The following CATSPERB variants were observed in gnomAD, a reference collection of about 807,000 sequenced individuals.
CATSPERB encodes catsper channel auxiliary subunit beta.
CATSPERB carries 93 observed loss-of-function variants against 128.3 expected under a neutral mutation model. The observed-to-expected ratio is 0.72, with a 90% CI of 0.61 to 0.86. The LOEUF is 0.86. CATSPERB is among the 40% of genes least tolerant of loss of function. The pLI is 0.00. For missense variants in CATSPERB, 1,153 were observed against 1,329.5 expected, an observed-to-expected ratio of 0.87 and a Z score of 2.06; for synonymous variants, 381 against 448.8, an observed-to-expected ratio of 0.85 and a Z score of 1.91.
chr14:91,599,958 T>C (rs542976632), intron 22 of CATSPERB, among the ~76,000 whole-genome samples: 57 of 152,354 alleles, frequency 3.7e-4, no homozygotes, highest in African/African-American at 1.3e-3. Flanking sequence ...CTTAGTGATA[T>C]TGGGGGCCCA....
At chr14:91,659,598 A>G (rs1052284949) in intron 15 of CATSPERB, among the ~76,000 whole-genome samples, 8 of 152,206 alleles carry the variant, frequency 5.3e-5, no homozygotes, top group Non-Finnish European at 1.2e-4. Flanking sequence ...AGCTGTTATT[A>G]TTTGGCTTTT....
chr14:91,668,767 T>C (rs201015433), intron 14 of CATSPERB, among the ~76,000 whole-genome samples: 18 of 151,172 alleles, frequency 1.2e-4, no homozygotes, highest in Admixed American at 1.2e-3. Context: ...TAACACTCAC[T>C]GCGAAGGTCT....
At chr14:91,601,480 A>G (rs1484746861) in intron 22 of CATSPERB, among the ~76,000 whole-genome samples, 1 of 152,178 alleles carries the variant, frequency 6.6e-6, no homozygotes, top group African/African-American at 2.4e-5. Flanking sequence ...ATGAATATAT[A>G]TGGTAAATTT....
At chr14:91,658,630 C>A (rs118143481) in intron 15 of CATSPERB, among the ~76,000 whole-genome samples, 4,125 of 146,126 alleles carry the variant, frequency 0.028, 91 homozygotes, top group Middle Eastern at 0.06. Flanking sequence ...ACAGTGTATG[C>A]CTGTATCAAA....
At chr14:91,640,468 C>T (rs1423371589) in intron 15 of CATSPERB, among the ~76,000 whole-genome samples, 1 of 113,188 alleles carries the variant, frequency 8.8e-6, no homozygotes, top group Non-Finnish European at 1.8e-5. Flanking sequence ...TTGTTCAATT[C>T]CCACCTATGA....
At chr14:91,696,382 G>A (rs1382366226) in intron 7 of CATSPERB, among the ~76,000 whole-genome samples, 1 of 152,164 alleles carries the variant, frequency 6.6e-6, no homozygotes, top group Non-Finnish European at 1.5e-5. Context: ...GAGACTGGTC[G>A]ACCCTGTTAA....
intron 20 of CATSPERB, among the ~76,000 whole-genome samples, chr14:91,612,372 A>G (rs1215469328): frequency 6.6e-6 from 1 of 152,172 alleles, no homozygotes; most frequent in Non-Finnish European, 1.5e-5. Context: ...GCTGGTCTCG[A>G]ACTCCTGGCC....
intron 7 of CATSPERB, among the ~76,000 whole-genome samples, chr14:91,698,127 G>C (rs186518412): frequency 6.6e-6 from 1 of 151,958 alleles, no homozygotes; most frequent in South Asian, 2.1e-4. Flanking sequence ...GGGTGTGTGT[G>C]TGGTGGGGGG....
At chr14:91,612,048 C>G (rs1026764366) in intron 20 of CATSPERB, among the ~76,000 whole-genome samples, 6 of 113,436 alleles carry the variant, frequency 5.3e-5, no homozygotes, top group Non-Finnish European at 9.5e-5. Context: ...TTCTTTCTTT[C>G]TTTCTTTCTT....
intron 15 of CATSPERB, among the ~76,000 whole-genome samples, chr14:91,647,971 C>A (rs1894634336): frequency 6.6e-6 from 1 of 152,096 alleles, no homozygotes; most frequent in African/African-American, 2.4e-5. Context: ...AATGGAAGTC[C>A]CTTGGATACT....
In CATSPERB at chr14:91,708,188, C is replaced by A; in HGVS notation, c.419G>T (p.Gly140Val). ...TCCTTCAGTAGCATAAATATTTAGT[C>A]CATGATGTAAAGTGATTCTTACTAA... Reference protein sequence around the residue: ...EWLVRITLHHGLNIYATEGTL... With the variant: ...EWLVRITLHHVLNIYATEGTL... The change falls in exon 6 of 27, where the codon GGA (glycine) becomes GTA (valine). Residue 140 changes from glycine to valine, a missense_variant. Gly to Val is a moderately radical substitution (Grantham distance 109). Transcript: ENST00000256343. 5 of 1,611,924 alleles carry A rather than the reference C, an allele frequency of 3.1e-6. No homozygotes were observed. Among genetic ancestry groups the A allele is most frequent in the Non-Finnish European group, 4.2e-6 (5 of 1,178,810 alleles).
intron 11 of CATSPERB, among the ~76,000 whole-genome samples, chr14:91,678,051 G>C (rs1311806977): frequency 6.6e-6 from 1 of 152,164 alleles, no homozygotes; most frequent in Non-Finnish European, 1.5e-5. Flanking sequence ...CACAGGGAAG[G>C]GAACAACACA....
At chr14:91,673,104 A>G in intron 12 of CATSPERB, 88 bp from the exon 13 acceptor site, 1 of 1,161,252 alleles carries the variant, frequency 8.6e-7, no homozygotes, top group South Asian at 1.6e-5. Flanking sequence ...TGTTCATAGA[A>G]GTAATATTTA....
At chr14:91,710,987 A>G (rs958390813) in intron 5 of CATSPERB, among the ~76,000 whole-genome samples, 5 of 152,098 alleles carry the variant, frequency 3.3e-5, no homozygotes, top group Admixed American at 2.6e-4. Context: ...CCCATTCTGG[A>G]TGTAGCATAT....
chr14:91,612,748 A>G (rs1309043322), intron 20 of CATSPERB, among the ~76,000 whole-genome samples: 1 of 152,162 alleles, frequency 6.6e-6, no homozygotes, highest in Non-Finnish European at 1.5e-5. Flanking sequence ...TATTTTTATT[A>G]CTTTTGTCAA....
At chr14:91,671,598 C>A (rs1349413805) in intron 13 of CATSPERB, among the ~76,000 whole-genome samples, 3 of 132,196 alleles carry the variant, frequency 2.3e-5, no homozygotes, top group Non-Finnish European at 3.3e-5. Flanking sequence ...CTCAAAAAAA[C>A]CCCAAAAAAC....
At chr14:91,631,232 A>G (rs1207219793) in intron 17 of CATSPERB, among the ~76,000 whole-genome samples, 3 of 152,248 alleles carry the variant, frequency 2.0e-5, no homozygotes, top group Admixed American at 2.0e-4. Context: ...GCCTAGCACA[A>G]GACTTGATAT....
chr14:91,660,505 T>C (rs1287041946), intron 14 of CATSPERB, among the ~76,000 whole-genome samples: 1 of 152,176 alleles, frequency 6.6e-6, no homozygotes, highest in African/African-American at 2.4e-5. Context: ...GTTATATTAG[T>C]TTATTACTAT....
rs755617111 is a variant in CATSPERB, at chr14:91,639,170, T to C, written c.1513A>G (p.Lys505Glu). 31 of 1,613,992 alleles carry C rather than the reference T, an allele frequency of 1.9e-5. No homozygotes were observed. Among genetic ancestry groups the C allele is most frequent in the Middle Eastern group, 1.7e-4 (1 of 6,060 alleles). Reference protein sequence around the residue: ...LYYDHLGFLHKLTLGRFEASG... With the variant: ...LYYDHLGFLHELTLGRFEASG... ...GCTTCAAAGCGACCCAGAGTCAGCT[T>C]ATGTAGGAATCCCAAGTGATCATAG... is the stretch of plus-strand genomic sequence containing the variant. Residue 505 changes from lysine to glutamate, a missense_variant, in exon 16 of 27, where the codon AAG (lysine) becomes GAG (glutamate). By Grantham distance (56) the Lys-to-Glu change is moderately conservative. Coordinates refer to ENST00000256343, the MANE Select transcript of CATSPERB (RefSeq NM_024764.4).
Sources: allele counts gnomAD v4.1 joint callset (sites outside exome capture counted in the v4.1 genomes callset), GRCh38; gene constraint gnomAD v4.1.1; transcripts MANE v1.5; gene names NCBI Gene and HGNC (gene_info 2026-07-23, HGNC 2026-07-21).